LRRC53: variants seen among roughly 807,000 people sequenced by gnomAD.
LRRC53 encodes leucine rich repeat containing 53, also known as leucine-rich repeat-containing protein 53.
LRRC53 carries 25 observed loss-of-function variants against 13.6 expected under a neutral mutation model. The observed-to-expected ratio is 1.83, with a 90% CI of 1.34 to 2.56. The LOEUF is 2.56. Ranked by LOEUF, LRRC53 falls within the 30% of genes most tolerant of loss-of-function variation. The pLI, the probability that LRRC53 is intolerant of heterozygous loss-of-function variation, is 0.00. For synonymous variants in LRRC53, 204 were observed against 109.8 expected (o/e 1.86, Z -5.37); for missense variants, 527 against 275.8 (o/e 1.91, Z -6.45).
upstream of LRRC53, among the ~76,000 whole-genome samples, chr1:74,513,632 C>A (rs1275525421): frequency 6.6e-6 from 1 of 152,158 alleles, no homozygotes; most frequent in African/African-American, 2.4e-5. Flanking sequence ...TGTTTAACAT[C>A]TTGTCACTTG....
chr1:74,518,887 T>A, the LRRC53 span, among the ~76,000 whole-genome samples: 1 of 119,230 alleles, frequency 8.4e-6, no homozygotes, highest in Admixed American at 7.7e-5. Flanking sequence ...TTTTTTTTTT[T>A]TTTTTTTATT....
intron 1 of LRRC53, among the ~76,000 whole-genome samples, chr1:74,494,982 A>G (rs1669253356): frequency 1.3e-5 from 2 of 152,226 alleles, no homozygotes; most frequent in South Asian, 4.1e-4. Context: ...TGGAGGGGAC[A>G]GAGCTTCTCT....
chr1:74,531,134 A>G, the LRRC53 span, among the ~76,000 whole-genome samples: 1 of 152,194 alleles, frequency 6.6e-6, no homozygotes, highest in South Asian at 2.1e-4. Flanking sequence ...TGCCATTGAA[A>G]GAAAACTGAT....
chr1:74,524,322 C>T, the LRRC53 span, among the ~76,000 whole-genome samples: 2 of 152,188 alleles, frequency 1.3e-5, no homozygotes, highest in Admixed American at 1.3e-4. Context: ...TGTGGGCCTG[C>T]CAGAAACAGA....
At chr1:74,483,640 A>G (rs1668608324) in intron 1 of LRRC53, among the ~76,000 whole-genome samples, 1 of 152,250 alleles carries the variant, frequency 6.6e-6, no homozygotes, top group South Asian at 2.1e-4. Context: ...TTACTTTGCA[A>G]AACAATGTAT....
chr1:74,510,572 T>A (rs1292506865), intron 1 of LRRC53, among the ~76,000 whole-genome samples: 1 of 152,164 alleles, frequency 6.6e-6, no homozygotes, highest in Non-Finnish European at 1.5e-5. Flanking sequence ...TTTTAAAAAA[T>A]TATTGCTCAT....
At position 74,484,414 on chromosome 1, in the gene LRRC53, T is replaced by C. The variant is rs1419652623; in HGVS notation, c.-26-1039A>G. Among the ~76,000 whole-genome samples the C allele has an allele frequency of 2.6e-5, 4 of 152,316 alleles. No homozygotes were observed. The East Asian group carries it at 7.7e-4, about 29-fold the overall frequency. On this transcript the variant is annotated intron_variant, in intron 1 of 4. Coordinates refer to ENST00000294635, the MANE Select transcript of LRRC53 (RefSeq NM_001382280.1). The stretch of plus-strand genomic sequence containing the variant: ...AGCAGGGGCTGACAAGCACCTGCCC[T>C]TGTGAAGTGTACTTTCTATAAAAGG...
chr1:74,471,962 GATC>G lies in LRRC53; in HGVS notation c.1657_1659del (p.Asp553del). On this transcript the variant is annotated inframe_deletion, in exon 5 of 5. Transcript: ENST00000294635. ...TTGCTCTGTTTTAACAGTCCACAAG[GATC>G]ATCATATTTTGATCTATTTTTTTGT... 1 of 615,950 alleles carries G rather than the reference GATC, an allele frequency of 1.6e-6. No homozygotes were observed. Among genetic ancestry groups the G allele is most frequent in the Non-Finnish European group, 2.9e-6 (1 of 342,288 alleles). The allele number at this position is 615,950 out of a possible 1,614,324, so 38.2% of individuals were successfully genotyped here.
the LRRC53 span, among the ~76,000 whole-genome samples, chr1:74,529,683 C>T: frequency 6.6e-6 from 1 of 152,170 alleles, no homozygotes; most frequent in South Asian, 2.1e-4. Context: ...ATTAGATTGT[C>T]AACTTATCTC....
At chr1:74,479,138 T>C (rs1199331669) in intron 3 of LRRC53, among the ~76,000 whole-genome samples, 2 of 152,164 alleles carry the variant, frequency 1.3e-5, no homozygotes, top group African/African-American at 4.8e-5. Flanking sequence ...CATTTGTTGG[T>C]CTCTGGTCTC....
Position 74,475,825 on chromosome 1 carries a change from G to C in LRRC53, c.905-15C>G, listed in dbSNP as rs898724485. ...ACCAACAGCTCCTATGACAAATAGA[G>C]AGACCATTAAAAGATAACATCTTGG... On this transcript the variant is annotated splice_polypyrimidine_tract_variant and intron_variant, in intron 3 of 4. Coordinates refer to ENST00000294635, the MANE Select transcript of LRRC53 (RefSeq NM_001382280.1). The C allele has an allele frequency of 1.4e-5, 8 of 573,772 alleles. No individual in the cohort carries two copies. In the East Asian group the frequency reaches 2.0e-4, roughly 14 times the overall value. The allele number at this position is 573,772 out of a possible 1,614,324, so 35.5% of individuals were successfully genotyped here.
At chr1:74,497,593 CACACACACATCT>C (rs1356333806) in intron 1 of LRRC53, among the ~76,000 whole-genome samples, 1 of 150,200 alleles carries the variant, frequency 6.7e-6, no homozygotes, top group Non-Finnish European at 1.5e-5. Flanking sequence ...TACACATGCA[CACACACACATCT>C]ACACACACAT....
chr1:74,489,240 A>G (rs766670990), intron 1 of LRRC53: 3 of 1,611,468 alleles, frequency 1.9e-6, no homozygotes, highest in Non-Finnish European at 2.5e-6. Context: ...GTGTCTCTGC[A>G]ACATTGAGGT....
At chr1:74,520,897 A>G in the LRRC53 span, among the ~76,000 whole-genome samples, 2 of 151,990 alleles carry the variant, frequency 1.3e-5, no homozygotes, top group African/African-American at 4.8e-5. Context: ...GATTGCTTGG[A>G]GCTTTAATTT....
the LRRC53 span, among the ~76,000 whole-genome samples, chr1:74,526,897 G>A: frequency 6.6e-6 from 1 of 152,178 alleles, no homozygotes; most frequent in South Asian, 2.1e-4. Context: ...TTGGAATACA[G>A]CCACACTCAT....
chr1:74,471,389 C>T lies in LRRC53; in HGVS notation c.2233G>A (p.Val745Ile), dbSNP rs1667925613. 5.0e-6 allele frequency: 2 copies of T among 400,530 alleles called. No homozygotes were observed. The highest frequency in any genetic ancestry group is 8.8e-6 in the Non-Finnish European group (2 of 226,156). The allele number at this position is 400,530 out of a possible 1,614,324, so 24.8% of individuals were successfully genotyped here. A position where few individuals can be genotyped will look rare whatever the true frequency, so the allele number is the denominator to read the frequency against. The change falls in exon 5 of 5, where the codon GTA becomes ATA. Residue 745 changes from valine to isoleucine, a missense_variant. By Grantham distance (29) the Val-to-Ile change is conservative (BLOSUM62 3). Coordinates refer to ENST00000294635, the MANE Select transcript of LRRC53 (RefSeq NM_001382280.1). ...LSSLPKQCKQVLLPPKKLSKT... is the reference protein window; with the variant it reads ...LSSLPKQCKQILLPPKKLSKT... ...GATAATTTCTTAGGAGGCAACAATA[C>T]CTGCTTGCATTGCTTTGGGAGACTT...
chr1:74,522,821 A>AG, the LRRC53 span, among the ~76,000 whole-genome samples: 5,931 of 152,246 alleles, frequency 0.039, 380 homozygotes, highest in African/African-American at 0.13. Context: ...CCCTGGCTTT[A>AG]TGGAAACTTT....
At chr1:74,530,088 C>G in the LRRC53 span, among the ~76,000 whole-genome samples, 1 of 152,186 alleles carries the variant, frequency 6.6e-6, no homozygotes, top group Non-Finnish European at 1.5e-5. Flanking sequence ...CCTTGGCCTC[C>G]CAAAGTGCTG....
the LRRC53 span, among the ~76,000 whole-genome samples, chr1:74,524,671 G>GCAAATAA: frequency 6.6e-6 from 1 of 151,324 alleles, no homozygotes; most frequent in Non-Finnish European, 1.5e-5. Context: ...AGATACAGCA[G>GCAAATAA]CAAATAAAAC....
Sources: allele counts gnomAD v4.1 joint callset (sites outside exome capture counted in the v4.1 genomes callset), GRCh38; gene constraint gnomAD v4.1.1; transcripts MANE v1.5; gene names NCBI Gene and HGNC (gene_info 2026-07-23, HGNC 2026-07-21).